THSD1: variants seen among roughly 807,000 people sequenced by gnomAD.
THSD1 encodes the protein thrombospondin type 1 domain containing 1.
THSD1 carries 34 observed loss-of-function variants against 46.3 expected under a neutral mutation model. The observed-to-expected ratio is 0.74, with a 90% confidence interval of 0.56 to 0.98. The LOEUF is 0.98. THSD1 is among the 50% of genes least tolerant of loss of function. The probability of loss-of-function intolerance (pLI) is 0.00; values close to 1 mark genes in which losing one functional copy is unlikely to be tolerated. For synonymous variants in THSD1, 407 were observed against 416.5 expected, an observed-to-expected ratio of 0.98 and a Z score of 0.28; for missense variants, 1,023 against 1,058.3, an observed-to-expected ratio of 0.97 and a Z score of 0.46.
Position 52,386,043 on chromosome 13 carries a change from G to C in THSD1, c.1165C>G (p.Leu389Val), listed in dbSNP as rs377001660. ...GMSLEASLCS[L>V]EECAAFQPSS... ...GAATACCTACCAGCACACTCCTCCA[G>C]GGAACACAGGGAGGCCTCCAAGGAC... The change falls in exon 4 of 5, where the codon CTG becomes GTG. Residue 389 changes from leucine (L) to valine (V), a missense_variant. By Grantham distance (32) the Leu-to-Val change is conservative. Coordinates refer to ENST00000258613, the MANE Select transcript of THSD1 (RefSeq NM_018676.4). The C allele has an allele frequency of 5.6e-6, 9 of 1,613,828 alleles. No homozygotes were observed. Among genetic ancestry groups the C allele is most frequent in the Non-Finnish European group, 6.8e-6 (8 of 1,179,914 alleles).
At chr13:52,385,104 A>G (rs1957721232) in intron 4 of THSD1, among the ~76,000 whole-genome samples, 1 of 152,122 alleles carries the variant, frequency 6.6e-6, no homozygotes, top group Non-Finnish European at 1.5e-5. Context: ...GCTAAAAGGT[A>G]CTCTGAGATC....
rs775259815 is a variant in THSD1 at position 52,377,876 on chromosome 13, C to T, written c.2094G>A (p.Gln698=). ...CEQAEDRFRP[Q]SRGAHLFPEK... is the part of the protein sequence containing the mutation. ...CAGGAAACAGGTGGGCACCTCGACT[C>T]TGAGGCCTAAATCTGTCCTCTGCCT... The change falls in exon 5 of 5, where the codon CAG becomes CAA. Residue 698 remains glutamine, a synonymous_variant. Coordinates refer to ENST00000258613, the MANE Select transcript of THSD1 (RefSeq NM_018676.4). 6 of 1,614,112 alleles carry T rather than the reference C, an allele frequency of 3.7e-6. No homozygotes were observed. Among genetic ancestry groups the T allele is most frequent in the Non-Finnish European group, 5.1e-6 (6 of 1,180,038 alleles).
chr13:52,397,121 C>T, intron 3 of THSD1, 111 bp downstream of exon 3: 1 of 951,618 alleles, frequency 1.1e-6, no homozygotes, highest in Non-Finnish European at 1.5e-6. Flanking sequence ...CATTATAAGG[C>T]ATGAACCATA....
intron 4 of THSD1, among the ~76,000 whole-genome samples, chr13:52,380,984 A>G (rs1957687818): frequency 6.6e-6 from 1 of 152,076 alleles, no homozygotes. Context: ...AGGTGGCTTC[A>G]GGTCCATCCA....
intron 3 of THSD1, among the ~76,000 whole-genome samples, chr13:52,392,465 T>C (rs1174604520): frequency 6.6e-6 from 1 of 152,206 alleles, no homozygotes; most frequent in Non-Finnish European, 1.5e-5. Flanking sequence ...GTAGTTCATA[T>C]GTTAGAAATG....
intron 3 of THSD1, among the ~76,000 whole-genome samples, chr13:52,392,390 C>T (rs1339867387): frequency 6.6e-6 from 1 of 152,130 alleles, no homozygotes; most frequent in Non-Finnish European, 1.5e-5. Context: ...TCCATCTGAT[C>T]CCTGAGATCT....
chr13:52,395,635 C>T (rs753739968), intron 3 of THSD1, among the ~76,000 whole-genome samples: 1 of 152,060 alleles, frequency 6.6e-6, no homozygotes, highest in Non-Finnish European at 1.5e-5. Flanking sequence ...CAGCACTTAA[C>T]GGAGATAGGC....
intron 4 of THSD1, among the ~76,000 whole-genome samples, chr13:52,382,022 T>C (rs1356900042): frequency 6.6e-6 from 1 of 152,148 alleles, no homozygotes; most frequent in South Asian, 2.1e-4. Context: ...CTTGCAACTC[T>C]CTCTCTCCCT....
chr13:52,378,467 G>A lies in THSD1; in HGVS notation c.1503C>T (p.Ser501=), dbSNP rs1476652006. Reference sequence around the variant, plus strand: ...CATCATCCTCGGGAGGTACCGGCCCGCTCCGCCTGTAGGTCAGAGGGATGC... The same window carrying A: ...CATCATCCTCGGGAGGTACCGGCCCACTCCGCCTGTAGGTCAGAGGGATGC... ...DTGIPLTYRR[S]GPVPPEDDAS... The change falls in exon 5 of 5, where the codon AGC becomes AGT. Residue 501 remains serine (S), a synonymous_variant. Transcript: ENST00000258613. The A allele has an allele frequency of 6.8e-6, 11 of 1,614,166 alleles. No homozygotes were observed. Among genetic ancestry groups the A allele is most frequent in the South Asian group, 1.1e-5 (1 of 91,080 alleles).
rs773973875 is a variant in THSD1 at position 52,378,799 on chromosome 13, A to C, written c.1181-10T>G. On this transcript the variant is annotated splice_polypyrimidine_tract_variant and intron_variant, in intron 4 of 4. Coordinates refer to ENST00000258613, the MANE Select transcript of THSD1 (RefSeq NM_018676.4). ...CTGGATGGCTGGAAAGCTGCAAAAA[A>C]AAACAAAACAAAACAAACAAACAAA... 110 of 1,550,328 alleles carry C rather than the reference A, an allele frequency of 7.1e-5. No individual in the cohort carries two copies. Among genetic ancestry groups the C allele is most frequent in the Non-Finnish European group, 8.9e-5 (103 of 1,155,722 alleles).
intron 4 of THSD1, chr13:52,384,017 A>T (rs1957711352): frequency 3.4e-6 from 1 of 297,524 alleles, no homozygotes; most frequent in African/African-American, 2.2e-5. Flanking sequence ...AGCCTGACCA[A>T]CATAGAGAAA....
Position 52,377,709 on chromosome 13 carries a change from G to A in THSD1, c.2261C>T (p.Thr754Ile), listed in dbSNP as rs370518452. Residue 754 changes from threonine to isoleucine, a missense_variant, in exon 5 of 5, where the codon ACA becomes ATA. This residue lies in a region of THSD1 where 578 missense variants were observed against 497.4 expected (regional missense o/e 1.16). Transcript: ENST00000258613. Reference protein sequence around the residue: ...QAGLVAGIERTEPHRARRGPS... With the variant: ...QAGLVAGIERIEPHRARRGPS... ...TCCCCGACGAGCTCTGTGGGGCTCT[G>A]TTCTCTCAATTCCGGCCACTAATCC... The A allele has an allele frequency of 6.2e-7, 1 of 1,612,680 alleles. No individual in the cohort carries two copies. The highest frequency in any genetic ancestry group is 8.5e-7 in the Non-Finnish European group (1 of 1,178,952).
intron 4 of THSD1, among the ~76,000 whole-genome samples, chr13:52,381,528 A>C (rs915771522): frequency 2.6e-5 from 4 of 152,226 alleles, no homozygotes; most frequent in African/African-American, 9.6e-5. Flanking sequence ...GCCATCAGGC[A>C]AGTACATGCC....
At chr13:52,399,590 T>G (rs1417353205) in intron 2 of THSD1, among the ~76,000 whole-genome samples, 1 of 152,190 alleles carries the variant, frequency 6.6e-6, no homozygotes, top group African/African-American at 2.4e-5. Context: ...AGTTTTTAAT[T>G]AGCACAGCAT....
At chr13:52,395,985 C>T (rs148855744) in intron 3 of THSD1, among the ~76,000 whole-genome samples, 1 of 152,094 alleles carries the variant, frequency 6.6e-6, no homozygotes, top group African/African-American at 2.4e-5. Flanking sequence ...TGTGTCCTGG[C>T]AGGCGTATCA....
chr13:52,382,833 T>A (rs1254957939), intron 4 of THSD1, among the ~76,000 whole-genome samples: 1 of 152,034 alleles, frequency 6.6e-6, no homozygotes, highest in Non-Finnish European at 1.5e-5. Context: ...AAGCCTCGTC[T>A]CTACTAAAAA....
Position 52,397,683 on chromosome 13 carries a change from G to A in THSD1, c.570C>T (p.Thr190=), listed in dbSNP as rs559915112. 2.2e-5 allele frequency: 36 copies of A among 1,614,202 alleles called. No homozygotes were observed. In the East Asian group the frequency reaches 6.7e-4, roughly 30 times the overall value. Residue 190 remains threonine (T), a synonymous_variant, in exon 3 of 5, where the codon ACC becomes ACT. Coordinates refer to ENST00000258613, the MANE Select transcript of THSD1 (RefSeq NM_018676.4). ...RNSRQPLEIR[T]SKRTELAQGQ... Reference sequence around the variant, plus strand: ...CTTGAGCAAGTTCTGTCCTTTTGCTGGTTCTTATTTCCAGCGGCTGTCTTG... The same window carrying A: ...CTTGAGCAAGTTCTGTCCTTTTGCTAGTTCTTATTTCCAGCGGCTGTCTTG...
intron 3 of THSD1, among the ~76,000 whole-genome samples, chr13:52,388,626 T>A (rs1200404375): frequency 6.6e-6 from 1 of 152,074 alleles, no homozygotes; most frequent in Non-Finnish European, 1.5e-5. Context: ...ATTACAGGCA[T>A]GCGCCACCAC....
Position 52,397,704 on chromosome 13 carries a change from T to C in THSD1, c.549A>G (p.Arg183=), listed in dbSNP as rs200838565. The C allele has an allele frequency of 1.2e-6, 2 of 1,614,064 alleles. No homozygotes were observed. Among genetic ancestry groups the C allele is most frequent in the Middle Eastern group, 1.6e-4 (1 of 6,082 alleles). The change falls in exon 3 of 5, where the codon AGA becomes AGG. Residue 183 remains arginine (R), a synonymous_variant. Coordinates refer to ENST00000258613, the MANE Select transcript of THSD1 (RefSeq NM_018676.4). ...NSLPEARRNS[R]QPLEIRTSKR... ...TGCTGGTTCTTATTTCCAGCGGCTG[T>C]CTTGAATTTCTTCTTGCCTCAGGAA...
Sources: gnomAD v4.1 joint callset for allele counts (sites outside exome capture counted in the v4.1 genomes callset) on GRCh38, gnomAD v4.1.1 for gene constraint, gnomAD v4.1.1 regional missense constraint, MANE v1.5 for transcripts, NCBI Gene and HGNC (gene_info 2026-07-23, HGNC 2026-07-21) for gene names.